Variants in TBC1D32 observed in about 807,000 individuals in gnomAD.
TBC1D32 encodes the protein protein broad-minded.
A neutral mutation model predicts 170.3 loss-of-function variants in TBC1D32; 151 were observed. That is an observed-to-expected ratio of 0.89 (90% CI 0.78 to 1.01). The LOEUF is 1.01. Among genes scored for constraint, TBC1D32 ranks in the 50% least tolerant of loss-of-function variants. The probability of loss-of-function intolerance (pLI) is 0.00; values close to 1 mark genes in which losing one functional copy is unlikely to be tolerated. For synonymous variants in TBC1D32, 498 were observed against 488.0 expected, an observed-to-expected ratio of 1.02 and a Z score of -0.27; for missense variants, 1,464 against 1,457.1, an observed-to-expected ratio of 1.00 and a Z score of -0.08.
At position 121,133,815 on chromosome 6, in the gene TBC1D32, C is replaced by T. The variant is rs9385186; in HGVS notation, c.2774-2063G>A. 1.9e-3 allele frequency among the ~76,000 whole-genome samples: 296 copies of T among 152,000 alleles called. 15 individuals are homozygous for T. The East Asian group carries it at 0.053, about 27-fold the overall frequency. On this transcript the variant is annotated intron_variant, in intron 24 of 31. Coordinates refer to ENST00000398212, the MANE Select transcript of TBC1D32 (RefSeq NM_152730.6). ...AGTACTAATCTATTTTATTTGAATA[C>T]CAAGACTACAATGATACGTTTCACA...
chr6:121,086,327 A>G (rs1015258942), intron 31 of TBC1D32, among the ~76,000 whole-genome samples: 1 of 152,186 alleles, frequency 6.6e-6, no homozygotes, highest in Admixed American at 6.6e-5. Context: ...ATCAAGTAAT[A>G]TAAGGACAAT....
At chr6:121,190,073 GACACACACACACACACAC>G (rs533974518) in intron 22 of TBC1D32, among the ~76,000 whole-genome samples, 776 of 63,714 alleles carry the variant, frequency 0.012, 7 homozygotes, top group East Asian at 0.034. Context: ...GCCCAATACA[GACACACACACACACACAC>G]ACACACACAC....
intron 15 of TBC1D32, among the ~76,000 whole-genome samples, chr6:121,262,783 C>T (rs1056464876): frequency 3.3e-5 from 5 of 152,102 alleles, no homozygotes; most frequent in African/African-American, 1.2e-4. Context: ...AGCCATTGAA[C>T]ATTCTTAAAG....
intron 20 of TBC1D32, among the ~76,000 whole-genome samples, chr6:121,226,375 A>C (rs1216671230): frequency 6.6e-6 from 1 of 152,208 alleles, no homozygotes; most frequent in Non-Finnish European, 1.5e-5. Flanking sequence ...AGTCTGTATA[A>C]GTAGCAGGCA....
intron 30 of TBC1D32, among the ~76,000 whole-genome samples, chr6:121,104,724 G>A (rs965659152): frequency 3.3e-5 from 5 of 151,614 alleles, no homozygotes; most frequent in Admixed American, 2.0e-4. Context: ...AATGAGAAAT[G>A]TACCATATCC....
At chr6:121,099,725 G>C (rs967605555) in intron 30 of TBC1D32, among the ~76,000 whole-genome samples, 1 of 151,824 alleles carries the variant, frequency 6.6e-6, no homozygotes, top group Non-Finnish European at 1.5e-5. Flanking sequence ...GCAATGATAC[G>C]ATTTCTTAAG....
intron 10 of TBC1D32, 55 bp from the exon 11 acceptor site, chr6:121,294,715 A>G (rs1239178408): frequency 3.9e-6 from 5 of 1,275,426 alleles, no homozygotes; most frequent in Non-Finnish European, 5.7e-6. Flanking sequence ...AAGTCCAAGA[A>G]TTAAAAGAAA....
intron 30 of TBC1D32, among the ~76,000 whole-genome samples, chr6:121,092,587 A>C (rs1226820831): frequency 6.6e-6 from 1 of 152,002 alleles, no homozygotes; most frequent in Non-Finnish European, 1.5e-5. Flanking sequence ...AACAATAAAA[A>C]ATTATTTTCT....
chr6:121,147,191 T>G (rs114613414), intron 24 of TBC1D32, among the ~76,000 whole-genome samples: 2 of 152,224 alleles, frequency 1.3e-5, no homozygotes, highest in African/African-American at 4.8e-5. Context: ...ATGGTGAATA[T>G]GCACCATATT....
Position 121,277,487 on chromosome 6 carries a change from C to CAAAA in TBC1D32, c.1733+1630_1733+1633dup, listed in dbSNP as rs755504493. On this transcript the variant is annotated intron_variant, in intron 15 of 31. Transcript: ENST00000398212. The stretch of plus-strand genomic sequence containing the variant: ...TGGGCGACAGAGAAAGACTCCATCT[C>CAAAA]AAAAAAAAAAAAAAAAAAAAAAACC... Among the ~76,000 whole-genome samples, 87 of 28,138 alleles carry CAAAA rather than the reference C, an allele frequency of 3.1e-3. 2 individuals carry two copies. The highest frequency in any genetic ancestry group is 5.4e-3 in the African/African-American group (38 of 7,084). 18.5% of individuals were successfully genotyped at this position (28,138 alleles called of 152,430 possible).
chr6:121,320,232 A>G (rs866498991), intron 2 of TBC1D32, among the ~76,000 whole-genome samples: 36 of 133,548 alleles, frequency 2.7e-4, no homozygotes, highest in Middle Eastern at 7.9e-3. Context: ...AAAAACTGGG[A>G]AAAAAAAAAA....
At chr6:121,274,095 T>C (rs1801889252) in intron 15 of TBC1D32, among the ~76,000 whole-genome samples, 1 of 152,036 alleles carries the variant, frequency 6.6e-6, no homozygotes, top group Non-Finnish European at 1.5e-5. Context: ...AGCACTTTAG[T>C]AGGCCAAGGC....
intron 15 of TBC1D32, among the ~76,000 whole-genome samples, chr6:121,265,606 C>G (rs934255286): frequency 4.0e-5 from 6 of 151,494 alleles, no homozygotes; most frequent in African/African-American, 1.5e-4. Context: ...AAAAAAAGAG[C>G]CCATATAGCC....
intron 24 of TBC1D32, among the ~76,000 whole-genome samples, chr6:121,152,719 A>G (rs540278995): frequency 4.6e-5 from 7 of 151,698 alleles, no homozygotes; most frequent in Non-Finnish European, 7.4e-5. Context: ...TTTTTTCTCT[A>G]ATCTTGTCTT....
At chr6:121,231,961 G>C (rs1795798608) in intron 20 of TBC1D32, among the ~76,000 whole-genome samples, 1 of 151,978 alleles carries the variant, frequency 6.6e-6, no homozygotes, top group Non-Finnish European at 1.5e-5. Flanking sequence ...TCTTGCATTT[G>C]CTTTTGAATT....
At chr6:121,209,213 A>G (rs992103034) in intron 21 of TBC1D32, among the ~76,000 whole-genome samples, 4 of 152,056 alleles carry the variant, frequency 2.6e-5, no homozygotes, top group African/African-American at 9.7e-5. Flanking sequence ...TATAAATTTG[A>G]TAAGTTTGGA....
chr6:121,198,162 A>G (rs78132832), intron 22 of TBC1D32, among the ~76,000 whole-genome samples: 15,577 of 142,084 alleles, frequency 0.11, 1,939 homozygotes, highest in African/African-American at 0.28. Flanking sequence ...GTAGATATAT[A>G]ATATATATAC....
intron 12 of TBC1D32, among the ~76,000 whole-genome samples, chr6:121,287,836 G>A (rs952010340): frequency 6.6e-6 from 1 of 152,116 alleles, no homozygotes; most frequent in Non-Finnish European, 1.5e-5. Flanking sequence ...CTAGAACTCA[G>A]GATTAGGAAA....
chr6:121,256,327 T>C, intron 15 of TBC1D32, 42 bp from the exon 16 acceptor site: 2 of 1,509,314 alleles, frequency 1.3e-6, no homozygotes, highest in Non-Finnish European at 1.8e-6. Flanking sequence ...GTTATATTAA[T>C]CTTGACTTCA....
Sources: allele counts gnomAD v4.1 joint callset (sites outside exome capture counted in the v4.1 genomes callset), GRCh38; gene constraint gnomAD v4.1.1; transcripts MANE v1.5; gene names NCBI Gene and HGNC (gene_info 2026-07-23, HGNC 2026-07-21).